Variants in ESAM observed in about 807,000 individuals in gnomAD.
ESAM encodes the protein endothelial cell adhesion molecule.
ESAM carries 23 observed loss-of-function variants against 31.8 expected under a neutral mutation model. The ratio of observed to expected loss-of-function variants is 0.72; its 90% CI spans 0.52 to 1.03. ESAM has a LOEUF of 1.03. Ranked by LOEUF, ESAM falls within the 50% of genes least tolerant of loss-of-function variation. ESAM has a pLI of 0.00. For synonymous variants in ESAM, 216 were observed against 207.2 expected, an observed-to-expected ratio of 1.04 and a Z score of -0.37; for missense variants, 478 against 488.9, an observed-to-expected ratio of 0.98 and a Z score of 0.21.
At chr11:124,761,196 G>C (rs530968848) in intron 1 of ESAM, among the ~76,000 whole-genome samples, 4 of 152,136 alleles carry the variant, frequency 2.6e-5, no homozygotes, top group Non-Finnish European at 5.9e-5. Flanking sequence ...ACTCCCATTC[G>C]AGATCCTTGA....
Position 124,753,491 on chromosome 11 carries a change from T to A in ESAM, c.*155A>T, listed in dbSNP as rs912138682. The A allele has an allele frequency of 1.5e-5, 12 of 795,160 alleles. No homozygotes were observed. The highest frequency in any genetic ancestry group is 2.1e-5 in the Non-Finnish European group (11 of 512,760). 49.3% of individuals were successfully genotyped at this position (795,160 alleles called of 1,614,324 possible). Reference sequence around the variant, plus strand: ...CTTCTGTCTCCTGGACACTTAGGTCTTACTGAGATGGTTTTCCCACAGTAA... The same window carrying A: ...CTTCTGTCTCCTGGACACTTAGGTCATACTGAGATGGTTTTCCCACAGTAA... On this transcript the variant is annotated 3_prime_UTR_variant, in exon 7 of 7. Transcript: ENST00000278927.
At position 124,756,705 on chromosome 11, in the gene ESAM, G is replaced by A. The variant is rs763153995; in HGVS notation, c.287C>T (p.Pro96Leu). ...SYINGVTTSK[P>L]GVSLVYSMPS... ...CATGGAGTAGACCAAGGATACTCCA[G>A]GTTTGCTTGTTGTGACCCCATTGAT... The change falls in exon 3 of 7, where the codon CCT becomes CTT. Residue 96 changes from proline to leucine, a missense_variant. Physicochemically the swap from Pro to Leu is moderately conservative, Grantham distance 98. Transcript: ENST00000278927. 3 of 1,614,182 alleles carry A rather than the reference G, an allele frequency of 1.9e-6. No homozygotes were observed. Among genetic ancestry groups the A allele is most frequent in the Non-Finnish European group, 2.5e-6 (3 of 1,180,044 alleles).
At chr11:124,756,074 T>C (rs1944149389) in intron 4 of ESAM, 133 bp downstream of exon 4, 5 of 1,258,878 alleles carry the variant, frequency 4.0e-6, no homozygotes, top group Non-Finnish European at 5.5e-6. Flanking sequence ...CTGCCCCACA[T>C]CCTCCCCACA....
chr11:124,760,424 G>C (rs1400908592), intron 1 of ESAM, among the ~76,000 whole-genome samples: 1 of 152,224 alleles, frequency 6.6e-6, no homozygotes, highest in East Asian at 1.9e-4. Context: ...AGCGAAATGG[G>C]CCCGCTCCCC....
chr11:124,754,287 C>G lies in ESAM; in HGVS notation c.784G>C (p.Gly262Arg), dbSNP rs1297721976. The change falls in exon 6 of 7, where the codon GGG (glycine) becomes CGG (arginine). Residue 262 changes from glycine (G) to arginine (R), a missense_variant. Physicochemically the swap from Gly to Arg is moderately radical, Grantham distance 125. Coordinates refer to ENST00000278927, the MANE Select transcript of ESAM (RefSeq NM_138961.3). This position sits in a 1 kb window ranked among gnomAD's most constrained non-coding sequence, Gnocchi z 4.5. ...GAVVGTLVGL[G>R]LLAGLVLLYH... Reference sequence around the variant, plus strand: ...AAGAGGACCAGCCCAGCCAGCAACCCCAGTCCAACCAGGGTACCCACAACA... The same window carrying G: ...AAGAGGACCAGCCCAGCCAGCAACCGCAGTCCAACCAGGGTACCCACAACA... The G allele has an allele frequency of 3.1e-6, 5 of 1,614,082 alleles. No individual in the cohort carries two copies. Among genetic ancestry groups the G allele is most frequent in the South Asian group, 1.1e-5 (1 of 91,086 alleles).
intron 3 of ESAM, 21 bp downstream of exon 3, chr11:124,756,520 G>A (rs537802241): frequency 1.9e-5 from 31 of 1,612,030 alleles, no homozygotes; most frequent in African/African-American, 1.2e-4. Flanking sequence ...GGAGGGGTCC[G>A]GAAATCTGCT....
chr11:124,758,357 CCTT>C lies in ESAM; in HGVS notation c.238_240del (p.Lys80del), dbSNP rs1944181533. The stretch of plus-strand genomic sequence containing the variant: ...AGGCGTTCTTCCCTCACCTGATCCT[CCTT>C]TTCTTTCTGTTTGAAGAACCACATC... On this transcript the variant is annotated inframe_deletion, in exon 2 of 7. Transcript: ENST00000278927. The C allele has an allele frequency of 1.2e-6, 2 of 1,614,194 alleles. No homozygotes were observed. The highest frequency in any genetic ancestry group is 2.7e-5 in the African/African-American group (2 of 75,058).
At chr11:124,757,033 G>T (rs1047477534) in intron 2 of ESAM, 1 of 410,628 alleles carries the variant, frequency 2.4e-6, no homozygotes. Flanking sequence ...TAGGAGGTAT[G>T]TATATATGCA....
chr11:124,755,932 C>G (rs1336628046), intron 4 of ESAM, among the ~76,000 whole-genome samples: 1 of 152,014 alleles, frequency 6.6e-6, no homozygotes, highest in African/African-American at 2.4e-5. Flanking sequence ...AAGAAGGCAC[C>G]GAGTCACACA....
In ESAM at chr11:124,758,546, C is replaced by T. The variant is rs770420023; in HGVS notation, c.71-19G>A. 1 of 1,512,510 alleles carries T rather than the reference C, an allele frequency of 6.6e-7. No individual in the cohort carries two copies. The highest frequency in any genetic ancestry group is 8.8e-7 in the Non-Finnish European group (1 of 1,130,476). The allele number at this position is 1,512,510 out of a possible 1,614,324, so 93.7% of individuals were successfully genotyped here. The stretch of plus-strand genomic sequence containing the variant: ...GGGGGCGCTGGAGACAAGAGCGAGG[C>T]GTGAGTGCCCAGGACCGGCTCCCAG... On this transcript the variant is annotated intron_variant, in intron 1 of 6. Transcript: ENST00000278927.
At chr11:124,756,179 T>C in intron 4 of ESAM, 28 bp downstream of exon 4, 1 of 1,612,518 alleles carries the variant, frequency 6.2e-7, no homozygotes, top group Non-Finnish European at 8.5e-7. Context: ...CCAGCCACAG[T>C]GTCCACTGTT....
chr11:124,758,248 G>C (rs1382466387), intron 2 of ESAM, 101 bp downstream of exon 2: 1 of 1,349,198 alleles, frequency 7.4e-7, no homozygotes, highest in Non-Finnish European at 1.0e-6. Flanking sequence ...CTCCTTCCCC[G>C]GCCCCCATTC....
rs1944124491 is a variant in ESAM, at chr11:124,754,001, G to A, written c.858-40C>T. On this transcript the variant is annotated intron_variant, in intron 6 of 6. Coordinates refer to ENST00000278927, the MANE Select transcript of ESAM (RefSeq NM_138961.3). The surrounding 1 kb of genome is among the most constrained non-coding windows in gnomAD (Gnocchi z 4.5). ...AATAACAAGAGGTCAGAAGTGGGTGGGGGAAGGAGGAGAGAGTTTCTACCT... is the reference window on the plus strand; with the variant it reads ...AATAACAAGAGGTCAGAAGTGGGTGAGGGAAGGAGGAGAGAGTTTCTACCT... The A allele has an allele frequency of 6.2e-7, 1 of 1,604,172 alleles. No homozygotes were observed. Among genetic ancestry groups the A allele is most frequent in the South Asian group, 1.1e-5 (1 of 89,770 alleles).
At position 124,754,338 on chromosome 11, in the gene ESAM, G is replaced by A. The variant is rs754676409; in HGVS notation, c.733C>T (p.Pro245Ser). The A allele has an allele frequency of 3.1e-6, 5 of 1,613,902 alleles. No individual in the cohort carries two copies. In the South Asian group the frequency reaches 5.5e-5, roughly 18 times the overall value. Residue 245 changes from proline to serine, a missense_variant and splice_region_variant, in exon 6 of 7, where the codon CCT becomes TCT. By Grantham distance (74) the Pro-to-Ser change is moderately conservative. Coordinates refer to ENST00000278927, the MANE Select transcript of ESAM (RefSeq NM_138961.3). The surrounding 1 kb of genome is among the most constrained non-coding windows in gnomAD (Gnocchi z 4.5). ...GCTCCAGCAACCACTGCAGCTCCAG[G>A]CCCTGGAAAAGGCGTCGTGTCAGAG... is the stretch of plus-strand genomic sequence containing the variant. The part of the protein sequence containing the change: ...CNVTLEVSTG[P>S]GAAVVAGAVV...
At position 124,762,253 on chromosome 11, in the gene ESAM, C is replaced by A. The variant is rs1565443713; in HGVS notation, c.-99G>T. ...CGACGGCCGGAGCGTGCGCGGGAGC[C>A]GAGCCGCTGACACCCAGGGCGGCTC... On this transcript the variant is annotated 5_prime_UTR_variant, in exon 1 of 7. Coordinates refer to ENST00000278927, the MANE Select transcript of ESAM (RefSeq NM_138961.3). This position sits in a 1 kb window ranked among gnomAD's most constrained non-coding sequence, Gnocchi z 6.4. 3.1e-6 allele frequency: 3 copies of A among 971,664 alleles called. No individual in the cohort carries two copies. The highest frequency in any genetic ancestry group is 3.2e-5 in the East Asian group (1 of 31,552). 60.2% of individuals were successfully genotyped at this position (971,664 alleles called of 1,614,324 possible).
chr11:124,754,409 T>A lies in ESAM; in HGVS notation c.731-69A>T. 6.4e-7 allele frequency: 1 copy of A among 1,570,590 alleles called. No individual in the cohort carries two copies. The highest frequency in any genetic ancestry group is 8.6e-7 in the Non-Finnish European group (1 of 1,158,858). ...TTCTCACCCCTCTCCAATCCCACTCTCCCCACCCCATCTGCCACCATACAC... is the reference window on the plus strand; with the variant it reads ...TTCTCACCCCTCTCCAATCCCACTCACCCCACCCCATCTGCCACCATACAC... On this transcript the variant is annotated intron_variant, in intron 5 of 6. Coordinates refer to ENST00000278927, the MANE Select transcript of ESAM (RefSeq NM_138961.3). The surrounding 1 kb of genome is among the most constrained non-coding windows in gnomAD (Gnocchi z 4.5).
Position 124,754,208 on chromosome 11 carries a change from A to T in ESAM, c.857+6T>A. 1 of 1,613,496 alleles carries T rather than the reference A, an allele frequency of 6.2e-7. No individual in the cohort carries two copies. The highest frequency in any genetic ancestry group is 1.1e-5 in the South Asian group (1 of 91,022). ...CCCCGCTGCAGCAGACACCAGGGAC[A>T]CTTACTTGATATCATTGGCTGGCTC... On this transcript the variant is annotated splice_donor_region_variant and intron_variant, in intron 6 of 6. Transcript: ENST00000278927. The surrounding 1 kb of genome is among the most constrained non-coding windows in gnomAD (Gnocchi z 4.5).
Position 124,754,829 on chromosome 11 carries a change from G to T in ESAM, c.608-66C>A, listed in dbSNP as rs562465190. On this transcript the variant is annotated intron_variant, in intron 4 of 6. Coordinates refer to ENST00000278927, the MANE Select transcript of ESAM (RefSeq NM_138961.3). This position sits in a 1 kb window ranked among gnomAD's most constrained non-coding sequence, Gnocchi z 4.5. ...CCCATTAAAAAAAAAAAAAAATCTTGTCCCTCCTCTGGAATGTCCCCTTTG... is the reference window on the plus strand; with the variant it reads ...CCCATTAAAAAAAAAAAAAAATCTTTTCCCTCCTCTGGAATGTCCCCTTTG... The T allele has an allele frequency of 1.1e-5, 15 of 1,426,762 alleles. No individual in the cohort carries two copies. The allele number at this position is 1,426,762 out of a possible 1,614,324, so 88.4% of individuals were successfully genotyped here.
intron 6 of ESAM, 27 bp from the exon 7 acceptor site, chr11:124,753,988 T>A: frequency 1.2e-6 from 2 of 1,609,498 alleles, no homozygotes; most frequent in Non-Finnish European, 1.7e-6. Flanking sequence ...TAACAAGAGG[T>A]CAGAAGTGGG....
Sources: allele counts gnomAD v4.1 joint callset (sites outside exome capture counted in the v4.1 genomes callset), GRCh38; gene constraint gnomAD v4.1.1; non-coding constraint Gnocchi (gnomAD v3.1); transcripts MANE v1.5; gene names NCBI Gene and HGNC (gene_info 2026-07-23, HGNC 2026-07-21).